Variants in ANKRD6 observed in about 807,000 individuals in gnomAD.
ANKRD6 encodes the protein ankyrin repeat domain 6.
ANKRD6 carries 56 observed loss-of-function variants against 82.3 expected under a neutral mutation model. The observed-to-expected ratio is 0.68, with a 90% CI of 0.55 to 0.85. The LOEUF (loss-of-function observed/expected upper bound fraction) is 0.85. ANKRD6 is among the 40% of genes least tolerant of loss of function. The pLI, the probability that ANKRD6 is intolerant of heterozygous loss-of-function variation, is 0.00. For missense variants in ANKRD6, 852 were observed against 907.6 expected (o/e 0.94, Z 0.79); for synonymous variants, 347 against 352.1 (o/e 0.99, Z 0.16).
chr6:89,463,152 G>A (rs1488641860), intron 1 of ANKRD6, among the ~76,000 whole-genome samples: 3 of 152,116 alleles, frequency 2.0e-5, no homozygotes, highest in Admixed American at 6.5e-5. Flanking sequence ...ACAGCCATGA[G>A]CCATCATACC....
At chr6:89,589,958 A>T (rs1235190506) in intron 2 of ANKRD6, among the ~76,000 whole-genome samples, 1 of 152,232 alleles carries the variant, frequency 6.6e-6, no homozygotes, top group Non-Finnish European at 1.5e-5. Context: ...CAGATGGCCC[A>T]GCCTGATACC....
At chr6:89,516,466 G>A (rs1583034606) in intron 1 of ANKRD6, among the ~76,000 whole-genome samples, 1 of 152,088 alleles carries the variant, frequency 6.6e-6, no homozygotes, top group Non-Finnish European at 1.5e-5. Context: ...TTCCAAAATT[G>A]TGGGAGCCAA....
intron 2 of ANKRD6, among the ~76,000 whole-genome samples, chr6:89,586,143 G>A (rs1227993304): frequency 6.6e-6 from 1 of 152,156 alleles, no homozygotes; most frequent in Admixed American, 6.5e-5. Context: ...ATAGAATGCA[G>A]CATTTATGAG....
intron 1 of ANKRD6, among the ~76,000 whole-genome samples, chr6:89,560,304 C>T (rs906436138): frequency 6.6e-6 from 1 of 152,214 alleles, no homozygotes; most frequent in Non-Finnish European, 1.5e-5. Context: ...GTCTTCTTGG[C>T]TTGCAGATGG....
At chr6:89,486,748 C>T (rs983165866) in intron 1 of ANKRD6, among the ~76,000 whole-genome samples, 7 of 152,272 alleles carry the variant, frequency 4.6e-5, no homozygotes, top group South Asian at 2.1e-4. Flanking sequence ...GCTAGAGGTG[C>T]GAGCCACCCT....
chr6:89,454,915 A>G (rs9359854), intron 1 of ANKRD6, among the ~76,000 whole-genome samples: 70,785 of 151,974 alleles, frequency 0.47, 17,167 homozygotes, highest in African/African-American at 0.59. Context: ...ATCTCAGCTC[A>G]CTGGAACCTC....
At chr6:89,453,789 T>C (rs1324883725) in intron 1 of ANKRD6, among the ~76,000 whole-genome samples, 1 of 149,916 alleles carries the variant, frequency 6.7e-6, no homozygotes, top group Non-Finnish European at 1.5e-5. Flanking sequence ...ATTTTTATTT[T>C]ATTTTATTTT....
intron 1 of ANKRD6, among the ~76,000 whole-genome samples, chr6:89,527,857 G>A (rs1157075108): frequency 6.6e-6 from 1 of 151,926 alleles, no homozygotes; most frequent in East Asian, 1.9e-4. Context: ...TCACTCAGGC[G>A]GGAGTATAAT....
intron 2 of ANKRD6, chr6:89,581,581 C>G (rs191957717): frequency 1.3e-5 from 2 of 152,364 alleles, no homozygotes; most frequent in Non-Finnish European, 1.5e-5. Context: ...CCTCTGGCCT[C>G]GGTTCCTCTT....
chr6:89,538,253 T>C (rs1478677420), intron 1 of ANKRD6, among the ~76,000 whole-genome samples: 1 of 152,222 alleles, frequency 6.6e-6, no homozygotes, highest in Non-Finnish European at 1.5e-5. Context: ...TTTTCTGTTT[T>C]TGTTGAAGCA....
chr6:89,469,763 G>A (rs1027963731), intron 1 of ANKRD6, among the ~76,000 whole-genome samples: 2 of 152,154 alleles, frequency 1.3e-5, no homozygotes, highest in Non-Finnish European at 2.9e-5. Context: ...TCTTGCCTGA[G>A]GGTAGGAACC....
chr6:89,550,820 G>T (rs1785742527), intron 1 of ANKRD6, among the ~76,000 whole-genome samples: 1 of 152,124 alleles, frequency 6.6e-6, no homozygotes, highest in Admixed American at 6.5e-5. Context: ...GCAGGGCATG[G>T]TGGCGGGCGC....
intron 1 of ANKRD6, among the ~76,000 whole-genome samples, chr6:89,548,102 C>T (rs1436909148): frequency 7.9e-5 from 12 of 152,170 alleles, no homozygotes; most frequent in Non-Finnish European, 4.4e-5. Context: ...CAGTGGTTTT[C>T]ATGTATATTC....
chr6:89,609,324 A>G (rs1394408610), intron 5 of ANKRD6, among the ~76,000 whole-genome samples: 1 of 152,040 alleles, frequency 6.6e-6, no homozygotes, highest in Non-Finnish European at 1.5e-5. Flanking sequence ...TTTTTGAGAC[A>G]GAGTTTCACT....
chr6:89,553,015 TAG>T (rs1786057807), intron 1 of ANKRD6, among the ~76,000 whole-genome samples: 1 of 152,114 alleles, frequency 6.6e-6, no homozygotes, highest in Non-Finnish European at 1.5e-5. Context: ...TCACAGGTGG[TAG>T]ACATTATCAG....
In ANKRD6 at chr6:89,627,583, A is replaced by C. The variant is rs61736690; in HGVS notation, c.1372A>C (p.Met458Leu). The C allele has an allele frequency of 2.5e-3, 4,097 of 1,612,802 alleles. 94 individuals carry two copies. In the African/African-American group the frequency reaches 0.048, roughly 19 times the overall value. The change falls in exon 14 of 16, where the codon ATG becomes CTG. Residue 458 changes from methionine (M) to leucine (L), a missense_variant and splice_region_variant. Transcript: ENST00000339746. ...ACACTCTGCTCCACTTCACTCCTAG[A>C]TGCGTGTTTTGGACAAGCTGATGGT... is the stretch of plus-strand genomic sequence containing the variant. ...GQMENKTQHQ[M>L]RVLDKLMVER...
chr6:89,438,804 G>T (rs1385813964), intron 1 of ANKRD6, among the ~76,000 whole-genome samples: 1 of 152,052 alleles, frequency 6.6e-6, no homozygotes, highest in African/African-American at 2.4e-5. Context: ...CACTGTGCCT[G>T]GCTAATTTTT....
chr6:89,448,903 G>A (rs889082293), intron 1 of ANKRD6, among the ~76,000 whole-genome samples: 14 of 150,826 alleles, frequency 9.3e-5, no homozygotes, highest in Non-Finnish European at 1.0e-4. Context: ...GTTGGCGGGC[G>A]CCTGTAGTCC....
chr6:89,584,476 G>A (rs557424461), intron 2 of ANKRD6, among the ~76,000 whole-genome samples: 5 of 152,208 alleles, frequency 3.3e-5, no homozygotes, highest in East Asian at 1.9e-4. Flanking sequence ...GGAACTTGTC[G>A]GGACACTGAA....
Sources: gnomAD v4.1 joint callset for allele counts (sites outside exome capture counted in the v4.1 genomes callset) on GRCh38, gnomAD v4.1.1 for gene constraint, MANE v1.5 for transcripts, NCBI Gene and HGNC (gene_info 2026-07-23, HGNC 2026-07-21) for gene names.